Variants in RNF31 observed in about 807,000 individuals in gnomAD.
The protein encoded by RNF31 is ring finger protein 31.
Under a neutral mutation model 133.6 loss-of-function variants are expected in RNF31, and 38 were observed. The observed-to-expected ratio is 0.28, with a 90% confidence interval of 0.22 to 0.37. The LOEUF is 0.37. Ranked by LOEUF, RNF31 falls within the 10% of genes least tolerant of loss-of-function variation. The probability of loss-of-function intolerance (pLI) is 1.00; values close to 1 mark genes in which losing one functional copy is unlikely to be tolerated. For synonymous variants in RNF31, 582 were observed against 552.3 expected (o/e 1.05, Z -0.75); for missense variants, 1,118 against 1,394.1 (o/e 0.80, Z 3.15).
Position 24,151,532 on chromosome 14 carries a change from C to G in RNF31, c.1785C>G (p.Leu595=). The change falls in exon 10 of 21, where the codon CTC becomes CTG. Residue 595 remains leucine (L), a synonymous_variant. Coordinates refer to ENST00000324103, the MANE Select transcript of RNF31 (RefSeq NM_017999.5). The surrounding 1 kb of genome is among the most constrained non-coding windows in gnomAD (Gnocchi z 5.3). ...GCTTTGGGCCTGAGGAGGGGTCTCT[C>G]CAGGCATTGTTCCAGCACGGAGGTG... ...SLGFGPEEGS[L]QALFQHGGDV... is the part of the protein sequence containing the mutation. 6.2e-7 allele frequency: 1 copy of G among 1,614,226 alleles called. No homozygotes were observed.
At chr14:24,152,409 C>CTCTA (rs1555347858) in intron 11 of RNF31, among the ~76,000 whole-genome samples, 2 of 149,776 alleles carry the variant, frequency 1.3e-5, no homozygotes, top group African/African-American at 4.9e-5. Flanking sequence ...AAATGTAAAA[C>CTCTA]TTTATTTATT....
At chr14:24,159,740 G>A (rs1290807137) in intron 18 of RNF31, 124 bp from the exon 19 acceptor site, 1 of 726,258 alleles carries the variant, frequency 1.4e-6, no homozygotes, top group Non-Finnish European at 2.4e-6. Flanking sequence ...CACTGGGAAA[G>A]CAGGAGTTGC....
At chr14:24,152,242 C>G (rs2038277661) in intron 11 of RNF31, among the ~76,000 whole-genome samples, 1 of 152,118 alleles carries the variant, frequency 6.6e-6, no homozygotes. Context: ...TCCCATACCC[C>G]CCTGCAACCC....
At position 24,150,757 on chromosome 14, in the gene RNF31, G is replaced by A; in HGVS notation, c.1357G>A (p.Glu453Lys). The change falls in exon 8 of 21, where the codon GAA becomes AAA. Residue 453 changes from glutamate to lysine, a missense_variant. Physicochemically the swap from Glu to Lys is moderately conservative, Grantham distance 56 (BLOSUM62 1). Transcript: ENST00000324103. ...HAPRPYASSL[E>K]KGPPKPGPPR... Reference sequence around the variant, plus strand: ...CCCCCGGCCCTATGCCAGCTCTTTGGAAAAGGGACCCCCCAAGCCTGGGCC... The same window carrying A: ...CCCCCGGCCCTATGCCAGCTCTTTGAAAAAGGGACCCCCCAAGCCTGGGCC... 1 of 1,612,530 alleles carries A rather than the reference G, an allele frequency of 6.2e-7. No individual in the cohort carries two copies. Among genetic ancestry groups the A allele is most frequent in the South Asian group, 1.1e-5 (1 of 90,996 alleles).
rs764994726 is a variant in RNF31, at chr14:24,148,700, A to T, written c.554A>T (p.Asp185Val). Reference sequence around the variant, plus strand: ...CTGTTGGAAGACAAGGTTGAAGATGATGTAAGGAAGGCAGGAAAGGGGCTG... The same window carrying T: ...CTGTTGGAAGACAAGGTTGAAGATGTTGTAAGGAAGGCAGGAAAGGGGCTG... ...EQLLEDKVED[D>V]MLQLSEFDPL... Residue 185 changes from aspartate to valine, a missense_variant and splice_region_variant, in exon 4 of 21, where the codon GAT becomes GTT. Physicochemically the swap from Asp to Val is radical, Grantham distance 152. Around this residue, in one of 3 missense-constraint regions of RNF31, gnomAD observed 747 missense variants for 827.9 expected, o/e 0.90. Transcript: ENST00000324103. The T allele has an allele frequency of 6.2e-7, 1 of 1,614,196 alleles. No homozygotes were observed. The highest frequency in any genetic ancestry group is 8.5e-7 in the Non-Finnish European group (1 of 1,180,034).
upstream of RNF31, chr14:24,147,440 C>A (rs1253296003): frequency 8.4e-6 from 3 of 358,686 alleles, no homozygotes; most frequent in Non-Finnish European, 1.5e-5. Context: ...ACCGCTCCAA[C>A]CTTAACCTTA....
At chr14:24,154,896 A>G in intron 11 of RNF31, 1 of 502,124 alleles carries the variant, frequency 2.0e-6, no homozygotes, top group Admixed American at 3.6e-5. Flanking sequence ...CAAGCATGTT[A>G]TTTGTATATT....
At position 24,160,203 on chromosome 14, in the gene RNF31, C is replaced by A; in HGVS notation, c.2997-36C>A. On this transcript the variant is annotated intron_variant, in intron 19 of 20. Transcript: ENST00000324103. The surrounding 1 kb of genome is among the most constrained non-coding windows in gnomAD (Gnocchi z 4.0). ...TTAGACACACTCAGTTAATATTAGC[C>A]AACACAACAAATATTCTGCTCCCTT... 6.3e-7 allele frequency: 1 copy of A among 1,590,320 alleles called. No homozygotes were observed. Among genetic ancestry groups the A allele is most frequent in the Non-Finnish European group, 8.6e-7 (1 of 1,167,694 alleles).
intron 11 of RNF31, among the ~76,000 whole-genome samples, chr14:24,153,584 AAACTT>A (rs1405990506): frequency 6.6e-6 from 1 of 151,558 alleles, no homozygotes; most frequent in Non-Finnish European, 1.5e-5. Flanking sequence ...CTCAAAAAAA[AAACTT>A]AAATTAAAAA....
chr14:24,150,792 C>A lies in RNF31; in HGVS notation c.1392C>A (p.Arg464=), dbSNP rs767112765. The A allele has an allele frequency of 1.9e-6, 3 of 1,608,838 alleles. No homozygotes were observed. Among genetic ancestry groups the A allele is most frequent in the East Asian group, 4.5e-5 (2 of 44,852 alleles). ...KGPPKPGPPR[R]LSAPLPSSCG... is the part of the protein sequence containing the mutation. ...CCCCCAAGCCTGGGCCCCCACGACG[C>A]CTTAGTGCCCCCCTGCCCAGTTCCT... is the stretch of plus-strand genomic sequence containing the variant. The change falls in exon 8 of 21, where the codon CGC becomes CGA. Residue 464 remains arginine, a synonymous_variant. Coordinates refer to ENST00000324103, the MANE Select transcript of RNF31 (RefSeq NM_017999.5).
In RNF31 at chr14:24,147,626, C is replaced by T; in HGVS notation, c.-73C>T. The stretch of plus-strand genomic sequence containing the variant: ...AAAGCCGGGCACCAGACGGGAGGGG[C>T]GGCGCTCGGGCCGCGCGCTGCCCGC... On this transcript the variant is annotated 5_prime_UTR_variant, in exon 1 of 21. Transcript: ENST00000324103. 2 of 1,312,904 alleles carry T rather than the reference C, an allele frequency of 1.5e-6. No individual in the cohort carries two copies. Among genetic ancestry groups the T allele is most frequent in the Non-Finnish European group, 2.0e-6 (2 of 1,022,428 alleles). 81.3% of individuals were successfully genotyped at this position (1,312,904 alleles called of 1,614,324 possible). A position where few individuals can be genotyped will look rare whatever the true frequency, so the allele number is the denominator to read the frequency against.
chr14:24,155,058 T>G lies in RNF31; in HGVS notation c.2131-99T>G. 8.3e-7 allele frequency: 1 copy of G among 1,206,704 alleles called. No individual in the cohort carries two copies. The highest frequency in any genetic ancestry group is 1.2e-6 in the Non-Finnish European group (1 of 850,664). The allele number at this position is 1,206,704 out of a possible 1,614,324, so 74.7% of individuals were successfully genotyped here. ...GTTGTTAACCCTGCCCAGTTGTTAA[T>G]TAGACCCTGATTTCTTAGTGGACAC... On this transcript the variant is annotated intron_variant, in intron 11 of 20. Coordinates refer to ENST00000324103, the MANE Select transcript of RNF31 (RefSeq NM_017999.5). The surrounding 1 kb of genome is among the most constrained non-coding windows in gnomAD (Gnocchi z 4.9).
At position 24,148,425 on chromosome 14, in the gene RNF31, C is replaced by G. The variant is rs565637250; in HGVS notation, c.495+12C>G. ...GCCTGCTATTGCAGGTGAGATGCTCCTCTAGTCTTGATGGACTTATGCACC... is the reference window on the plus strand; with the variant it reads ...GCCTGCTATTGCAGGTGAGATGCTCGTCTAGTCTTGATGGACTTATGCACC... On this transcript the variant is annotated intron_variant, in intron 3 of 20. Coordinates refer to ENST00000324103, the MANE Select transcript of RNF31 (RefSeq NM_017999.5). The G allele has an allele frequency of 1.3e-4, 212 of 1,613,942 alleles. No individual in the cohort carries two copies. In the South Asian group the frequency reaches 2.0e-3, roughly 15 times the overall value.
At chr14:24,147,934 G>A (rs1340193682) in intron 1 of RNF31, 42 bp from the exon 2 acceptor site, 2 of 1,613,622 alleles carry the variant, frequency 1.2e-6, no homozygotes, top group Non-Finnish European at 1.7e-6. Flanking sequence ...AGGGCCTGAG[G>A]CCCAGGCCAC....
Position 24,150,385 on chromosome 14 carries a change from G to A in RNF31, c.1134G>A (p.Leu378=). The A allele has an allele frequency of 6.2e-7, 1 of 1,613,530 alleles. No homozygotes were observed. The highest frequency in any genetic ancestry group is 8.5e-7 in the Non-Finnish European group (1 of 1,179,932). ...VLCSICERPR[L]AQPPSLVVDS... ...GTTCCATATGTGAGCGACCTCGGCTGGCCCAGCCTCCCAGCTTGGTGGTGG... is the reference window on the plus strand; with the variant it reads ...GTTCCATATGTGAGCGACCTCGGCTAGCCCAGCCTCCCAGCTTGGTGGTGG... The change falls in exon 7 of 21, where the codon CTG becomes CTA. Residue 378 remains leucine, a synonymous_variant. Transcript: ENST00000324103.
Position 24,147,999 on chromosome 14 carries a change from G to C in RNF31, c.216G>C (p.Leu72=), listed in dbSNP as rs1384812441. 1.9e-6 allele frequency: 3 copies of C among 1,613,606 alleles called. No individual in the cohort carries two copies. The East Asian group carries it at 6.7e-5, about 36-fold the overall frequency. ...HGEPRNYLNT[L]STALNILEKY... is the part of the protein sequence containing the mutation. ...AGCCCCGAAACTACCTCAACACCCT[G>C]TCCACGGCTCTGAACATCCTGGAGA... The change falls in exon 2 of 21, where the codon CTG becomes CTC. Residue 72 remains leucine, a synonymous_variant. Transcript: ENST00000324103.
chr14:24,151,441 C>T lies in RNF31; in HGVS notation c.1738-44C>T, dbSNP rs763594014. The T allele has an allele frequency of 1.9e-5, 30 of 1,613,152 alleles. No homozygotes were observed. In the South Asian group the frequency reaches 3.2e-4, roughly 17 times the overall value. ...TCTGCATCTCTCACACTCTCCCTTG[C>T]TTGCTTTCCCACTTCATTCCCCCTT... is the stretch of plus-strand genomic sequence containing the variant. On this transcript the variant is annotated intron_variant, in intron 9 of 20. Coordinates refer to ENST00000324103, the MANE Select transcript of RNF31 (RefSeq NM_017999.5). The surrounding 1 kb of genome is among the most constrained non-coding windows in gnomAD (Gnocchi z 5.3).
At chr14:24,153,843 G>T (rs1009106891) in intron 11 of RNF31, among the ~76,000 whole-genome samples, 1 of 151,946 alleles carries the variant, frequency 6.6e-6, no homozygotes, top group Non-Finnish European at 1.5e-5. Context: ...GACAGAGGTT[G>T]CAGTGAGCCA....
Position 24,155,642 on chromosome 14 carries a change from G to A in RNF31, c.2443G>A (p.Ala815Thr), listed in dbSNP as rs373844579. The A allele has an allele frequency of 5.6e-6, 9 of 1,614,080 alleles. No individual in the cohort carries two copies. In the South Asian group the frequency reaches 6.6e-5, roughly 12 times the overall value. ...GFIYEREQLEATCPQCHQTFC... is the reference protein window; with the variant it reads ...GFIYEREQLETTCPQCHQTFC... ...CATATATGAGCGTGAGCAGCTGGAG[G>A]CAACTTGTCCCCAGTGTCACCAGAC... The change falls in exon 14 of 21, where the codon GCA (alanine) becomes ACA (threonine). Residue 815 changes from alanine to threonine, a missense_variant. Ala to Thr is a moderately conservative substitution (Grantham distance 58). Transcript: ENST00000324103. This position sits in a 1 kb window ranked among gnomAD's most constrained non-coding sequence, Gnocchi z 4.9.
Sources: allele counts gnomAD v4.1 joint callset (sites outside exome capture counted in the v4.1 genomes callset), GRCh38; gene constraint gnomAD v4.1.1; regional missense constraint gnomAD v4.1.1; non-coding constraint Gnocchi (gnomAD v3.1); transcripts MANE v1.5; gene names NCBI Gene and HGNC (gene_info 2026-07-23, HGNC 2026-07-21).